Variants in PPP1R14C observed in about 807,000 individuals in gnomAD.
PPP1R14C encodes protein phosphatase 1 regulatory subunit 14C.
A neutral mutation model predicts 20.4 loss-of-function variants in PPP1R14C; 16 were observed. That is an observed-to-expected ratio of 0.78 (90% CI 0.53 to 1.19). PPP1R14C has a LOEUF of 1.19. Ranked by LOEUF, PPP1R14C falls within the 50% of genes most tolerant of loss-of-function variation. The pLI is 0.00. For synonymous variants in PPP1R14C, 91 were observed against 91.0 expected, an observed-to-expected ratio of 1.00 and a Z score of 0.00; for missense variants, 211 against 220.1, an observed-to-expected ratio of 0.96 and a Z score of 0.26.
intron 3 of PPP1R14C, among the ~76,000 whole-genome samples, chr6:150,228,539 GC>G (rs917491551): frequency 4.6e-5 from 7 of 152,190 alleles, no homozygotes; most frequent in African/African-American, 1.7e-4. Flanking sequence ...GCTAACCTGA[GC>G]CTGGGAGTCC....
intron 3 of PPP1R14C, among the ~76,000 whole-genome samples, chr6:150,230,442 A>ATGC (rs1382596120): frequency 6.6e-6 from 1 of 152,202 alleles, no homozygotes. Context: ...AAGAGGAGGC[A>ATGC]ACACGTGGGG....
intron 1 of PPP1R14C, chr6:150,194,510 A>G: frequency 1.0e-6 from 1 of 978,092 alleles, no homozygotes; most frequent in Non-Finnish European, 1.2e-6. Context: ...TTGTATGCCA[A>G]TTATAAATCA....
At chr6:150,202,841 T>G (rs1463762368) in intron 1 of PPP1R14C, among the ~76,000 whole-genome samples, 1 of 152,234 alleles carries the variant, frequency 6.6e-6, no homozygotes, top group Non-Finnish European at 1.5e-5. Context: ...TCTTTTGTTT[T>G]GTTTTGTTTT....
In PPP1R14C at chr6:150,214,779, T is replaced by G; in HGVS notation, c.342T>G (p.Asp114Glu). Residue 114 changes from aspartate to glutamate, a missense_variant, in exon 2 of 4, where the codon GAT becomes GAG. By Grantham distance (45) the Asp-to-Glu change is conservative. Coordinates refer to ENST00000361131, the MANE Select transcript of PPP1R14C (RefSeq NM_030949.3). ...TGCCAGAGGTAGAAATTGACATTGA[T>G]GATCTTCTTGATGCAGACAGTGATG... ...EEMPEVEIDI[D>E]DLLDADSDEE... The G allele has an allele frequency of 6.2e-7, 1 of 1,613,354 alleles. No homozygotes were observed. The highest frequency in any genetic ancestry group is 8.5e-7 in the Non-Finnish European group (1 of 1,179,690).
At chr6:150,172,389 C>T (rs2114870467) in intron 1 of PPP1R14C, among the ~76,000 whole-genome samples, 1 of 152,216 alleles carries the variant, frequency 6.6e-6, no homozygotes, top group South Asian at 2.1e-4. Context: ...AGGTGAAGCT[C>T]TTTTGTAAAG....
chr6:150,165,650 TC>T (rs1439042891), intron 1 of PPP1R14C, among the ~76,000 whole-genome samples: 4 of 152,224 alleles, frequency 2.6e-5, no homozygotes, highest in Non-Finnish European at 5.9e-5. Flanking sequence ...AGTTAAACAC[TC>T]AGTGCAAGGA....
intron 1 of PPP1R14C, among the ~76,000 whole-genome samples, chr6:150,189,685 G>C: frequency 6.6e-6 from 1 of 151,960 alleles, no homozygotes; most frequent in South Asian, 2.1e-4. Context: ...CTTTTCTTTC[G>C]GTAGAGAACA....
chr6:150,188,482 C>CTTTTTT (rs753993224), intron 1 of PPP1R14C, among the ~76,000 whole-genome samples: 4 of 104,968 alleles, frequency 3.8e-5, no homozygotes, highest in African/African-American at 1.2e-4. Flanking sequence ...CAGGAATTAC[C>CTTTTTT]TTTTTTTTTT....
At chr6:150,248,162 T>C (rs1278371122) in intron 3 of PPP1R14C, among the ~76,000 whole-genome samples, 1 of 152,054 alleles carries the variant, frequency 6.6e-6, no homozygotes, top group Non-Finnish European at 1.5e-5. Context: ...CCGAACTACC[T>C]CCCAAAGGCC....
chr6:150,218,349 G>T (rs545106560), intron 3 of PPP1R14C, among the ~76,000 whole-genome samples: 164 of 152,098 alleles, frequency 1.1e-3, no homozygotes, highest in African/African-American at 3.8e-3. Flanking sequence ...CTTGCAGTGA[G>T]CCGAGATTGC....
At chr6:150,176,638 C>T (rs913437951) in intron 1 of PPP1R14C, among the ~76,000 whole-genome samples, 6 of 152,180 alleles carry the variant, frequency 3.9e-5, no homozygotes, top group African/African-American at 1.4e-4. Context: ...CGTCCCTGGT[C>T]CAGAAGAGTT....
intron 3 of PPP1R14C, among the ~76,000 whole-genome samples, chr6:150,231,627 C>T (rs1038707755): frequency 6.6e-6 from 1 of 152,168 alleles, no homozygotes; most frequent in Non-Finnish European, 1.5e-5. Flanking sequence ...TTCTTATGCA[C>T]TCACTATGCT....
At chr6:150,236,893 C>T (rs565213576) in intron 3 of PPP1R14C, among the ~76,000 whole-genome samples, 49 of 152,032 alleles carry the variant, frequency 3.2e-4, no homozygotes, top group Non-Finnish European at 6.3e-4. Context: ...GGCCCTTGGC[C>T]AGGCAGGACG....
At chr6:150,170,371 G>A (rs1777483299) in intron 1 of PPP1R14C, among the ~76,000 whole-genome samples, 2 of 149,968 alleles carry the variant, frequency 1.3e-5, no homozygotes, top group African/African-American at 4.9e-5. Context: ...CTCCCAGGCT[G>A]GAGTGCAGTG....
At chr6:150,209,573 T>C (rs576033941) in intron 1 of PPP1R14C, among the ~76,000 whole-genome samples, 56 of 151,928 alleles carry the variant, frequency 3.7e-4, no homozygotes, top group African/African-American at 1.4e-3. Context: ...CATCTGTGTG[T>C]ATGTTTGTGT....
chr6:150,231,289 T>C (rs2114924370), intron 3 of PPP1R14C, among the ~76,000 whole-genome samples: 1 of 152,332 alleles, frequency 6.6e-6, no homozygotes, highest in East Asian at 1.9e-4. Context: ...AAATGTTGCT[T>C]GTCTTTCTAT....
intron 3 of PPP1R14C, among the ~76,000 whole-genome samples, chr6:150,247,495 G>A (rs537997231): frequency 1.3e-5 from 2 of 152,224 alleles, no homozygotes; most frequent in East Asian, 1.9e-4. Context: ...GGTTCTGATC[G>A]ATTTACAGGT....
chr6:150,174,948 C>T (rs1380366931), intron 1 of PPP1R14C, among the ~76,000 whole-genome samples: 11 of 144,326 alleles, frequency 7.6e-5, no homozygotes, highest in Middle Eastern at 7.1e-3. Flanking sequence ...CCTGGGCGAC[C>T]GAGGGAGATT....
At chr6:150,247,254 G>T (rs1778503343) in intron 3 of PPP1R14C, among the ~76,000 whole-genome samples, 1 of 152,178 alleles carries the variant, frequency 6.6e-6, no homozygotes, top group Non-Finnish European at 1.5e-5. Flanking sequence ...TTTGCTCTCA[G>T]ATAGTCCCTG....
Sources: allele counts gnomAD v4.1 joint callset (sites outside exome capture counted in the v4.1 genomes callset), GRCh38; gene constraint gnomAD v4.1.1; transcripts MANE v1.5; gene names NCBI Gene and HGNC (gene_info 2026-07-23, HGNC 2026-07-21).